UNC5C: variants seen among roughly 807,000 people sequenced by gnomAD.
The protein encoded by UNC5C is netrin receptor UNC5C.
UNC5C carries 47 observed loss-of-function variants against 99.8 expected under a neutral mutation model. The ratio of observed to expected loss-of-function variants is 0.47; its 90% CI spans 0.37 to 0.60. The LOEUF is 0.60. Ranked by LOEUF, UNC5C falls within the 20% of genes least tolerant of loss-of-function variation. The pLI is 0.00. For synonymous variants in UNC5C, 487 were observed against 452.2 expected, an observed-to-expected ratio of 1.08 and a Z score of -0.98; for missense variants, 1,062 against 1,165.9, an observed-to-expected ratio of 0.91 and a Z score of 1.30.
chr4:95,183,786 A>C (rs969935714), intron 13 of UNC5C, among the ~76,000 whole-genome samples: 2 of 152,146 alleles, frequency 1.3e-5, no homozygotes, highest in African/African-American at 4.8e-5. Context: ...TACAAATAAG[A>C]ACCCCTTATT....
At position 95,487,319 on chromosome 4, in the gene UNC5C, C is replaced by G. The variant is rs930729795; in HGVS notation, c.124+61415G>C. On this transcript the variant is annotated intron_variant, in intron 1 of 15. Coordinates refer to ENST00000453304, the MANE Select transcript of UNC5C (RefSeq NM_003728.4). ...GTGCATAAATAGTTATCTCTAATAC[C>G]TGAATGTGAGGTTTTATTAAAGGAT... is the stretch of plus-strand genomic sequence containing the variant. Among the ~76,000 whole-genome samples the G allele has an allele frequency of 4.6e-5, 7 of 151,762 alleles. No homozygotes were observed. The East Asian group carries it at 1.2e-3, about 26-fold the overall frequency.
chr4:95,284,934 G>C (rs1741181336), intron 3 of UNC5C, among the ~76,000 whole-genome samples: 1 of 152,134 alleles, frequency 6.6e-6, no homozygotes, highest in African/African-American at 2.4e-5. Flanking sequence ...TAATAGGAAA[G>C]TGGAGGCTCT....
chr4:95,301,669 G>T lies in UNC5C; in HGVS notation c.427C>A (p.Gln143Lys). The T allele has an allele frequency of 6.2e-7, 1 of 1,613,712 alleles. No homozygotes were observed. Among genetic ancestry groups the T allele is most frequent in the Admixed American group, 1.7e-5 (1 of 60,022 alleles). ...ELFGPEDYWCQCVAWSSAGTT... is the reference protein window; with the variant it reads ...ELFGPEDYWCKCVAWSSAGTT... ...CCCGCGGAGCTCCAGGCCACACACT[G>T]GCACCAGTAATCTTCAGGTCCAAAG... is the stretch of plus-strand genomic sequence containing the variant. Residue 143 changes from glutamine (Q) to lysine (K), a missense_variant, in exon 3 of 16, where the codon CAG becomes AAG. Coordinates refer to ENST00000453304, the MANE Select transcript of UNC5C (RefSeq NM_003728.4).
intron 1 of UNC5C, among the ~76,000 whole-genome samples, chr4:95,422,077 G>C (rs1305310370): frequency 6.6e-6 from 1 of 152,190 alleles, no homozygotes; most frequent in South Asian, 2.1e-4. Flanking sequence ...AAAAAGAGAA[G>C]TTCAAGACCT....
intron 4 of UNC5C, among the ~76,000 whole-genome samples, chr4:95,252,595 C>T (rs1444472167): frequency 1.3e-5 from 2 of 152,184 alleles, no homozygotes; most frequent in Admixed American, 6.5e-5. Flanking sequence ...GATGAGGCTG[C>T]AGCTACATCC....
At chr4:95,220,807 CCTT>C (rs1738443746) in intron 7 of UNC5C, among the ~76,000 whole-genome samples, 1 of 152,174 alleles carries the variant, frequency 6.6e-6, no homozygotes, top group Non-Finnish European at 1.5e-5. Flanking sequence ...ATGCTGATAA[CCTT>C]CTCTAAGTCC....
intron 1 of UNC5C, among the ~76,000 whole-genome samples, chr4:95,491,095 C>G (rs932422420): frequency 1.3e-5 from 2 of 151,372 alleles, no homozygotes; most frequent in Non-Finnish European, 3.0e-5. Context: ...CACAAAATTG[C>G]CCCCTTCTAA....
intron 8 of UNC5C, 54 bp downstream of exon 8, chr4:95,219,931 T>C: frequency 6.4e-7 from 1 of 1,558,522 alleles, no homozygotes; most frequent in Non-Finnish European, 8.7e-7. Flanking sequence ...GTCATTGATT[T>C]TGAAACTGCT....
At chr4:95,340,387 C>T (rs991623069) in intron 1 of UNC5C, among the ~76,000 whole-genome samples, 5 of 152,022 alleles carry the variant, frequency 3.3e-5, no homozygotes, top group African/African-American at 1.2e-4. Flanking sequence ...TGAATGACTG[C>T]AAAGCTAATG....
intron 1 of UNC5C, among the ~76,000 whole-genome samples, chr4:95,493,308 A>G (rs1157126356): frequency 6.6e-6 from 1 of 151,540 alleles, no homozygotes; most frequent in Non-Finnish European, 1.5e-5. Flanking sequence ...TGAATTAGGA[A>G]GTCAAGAGAC....
At chr4:95,189,539 C>T (rs1353703589) in intron 12 of UNC5C, among the ~76,000 whole-genome samples, 1 of 152,172 alleles carries the variant, frequency 6.6e-6, no homozygotes, top group Non-Finnish European at 1.5e-5. Context: ...AAACTACCAT[C>T]TGAGTGAACA....
At chr4:95,510,197 AG>A (rs1256936729) in intron 1 of UNC5C, among the ~76,000 whole-genome samples, 1 of 152,060 alleles carries the variant, frequency 6.6e-6, no homozygotes, top group Non-Finnish European at 1.5e-5. Flanking sequence ...GACAAAAGAA[AG>A]CTTTATTAGA....
At chr4:95,251,242 C>G (rs1277248892) in intron 4 of UNC5C, among the ~76,000 whole-genome samples, 1 of 152,188 alleles carries the variant, frequency 6.6e-6, no homozygotes, top group East Asian at 1.9e-4. Flanking sequence ...AAATACCTTT[C>G]AAAATGTAGC....
At chr4:95,423,239 T>C (rs4269184) in intron 1 of UNC5C, among the ~76,000 whole-genome samples, 151,740 of 152,284 alleles carry the variant, frequency 1, 75,599 homozygotes, top group East Asian at 1. Context: ...TTGGAGGACA[T>C]AAAACTGTAT....
intron 1 of UNC5C, among the ~76,000 whole-genome samples, chr4:95,373,497 C>T (rs906062155): frequency 3.3e-5 from 5 of 152,168 alleles, no homozygotes; most frequent in African/African-American, 7.2e-5. Flanking sequence ...CGTCTCCTTA[C>T]GCACCATTTC....
At chr4:95,182,115 A>C (rs1391036346) in intron 14 of UNC5C, among the ~76,000 whole-genome samples, 1 of 152,102 alleles carries the variant, frequency 6.6e-6, no homozygotes, top group Non-Finnish European at 1.5e-5. Flanking sequence ...CTTTGGATCC[A>C]AGGTAACAGA....
At chr4:95,229,461 C>CT (rs528932570) in intron 7 of UNC5C, among the ~76,000 whole-genome samples, 1 of 152,048 alleles carries the variant, frequency 6.6e-6, no homozygotes. Flanking sequence ...TGAACTCATC[C>CT]TTTTTTTATG....
Position 95,275,642 on chromosome 4 carries a change from C to T in UNC5C, c.594+2617G>A, listed in dbSNP as rs2149393056. Among the ~76,000 whole-genome samples the T allele has an allele frequency of 1.3e-5, 2 of 152,224 alleles. 1 individual carries two copies. The highest frequency in any genetic ancestry group is 4.8e-5 in the African/African-American group (2 of 41,546). ...ATTATTACCTTAGAAATGCCTATGC[C>T]ATTATTTGTAGCCAAAGTGGTATAT... On this transcript the variant is annotated intron_variant, in intron 4 of 15. Transcript: ENST00000453304.
chr4:95,521,185 T>C (rs1023215653), intron 1 of UNC5C, among the ~76,000 whole-genome samples: 1 of 151,242 alleles, frequency 6.6e-6, no homozygotes, highest in Non-Finnish European at 1.5e-5. Flanking sequence ...AGAGATCTAG[T>C]GTCTCTTCTT....
Sources: allele counts gnomAD v4.1 joint callset (sites outside exome capture counted in the v4.1 genomes callset), GRCh38; gene constraint gnomAD v4.1.1; transcripts MANE v1.5; gene names NCBI Gene and HGNC (gene_info 2026-07-23, HGNC 2026-07-21).